The following DUSP22 variants were observed in gnomAD, a reference collection of about 807,000 sequenced individuals.
The protein encoded by DUSP22 is dual specificity protein phosphatase 22.
DUSP22 carries 24 observed loss-of-function variants against 24.5 expected under a neutral mutation model. That is an observed-to-expected ratio of 0.98 (90% CI 0.71 to 1.38). The LOEUF (loss-of-function observed/expected upper bound fraction) is 1.38, where lower values mean the gene tolerates loss of function less well. Among genes scored for constraint, DUSP22 ranks in the 40% most tolerant of loss-of-function variants. The pLI, the probability that DUSP22 is intolerant of heterozygous loss-of-function variation, is 0.00. For synonymous variants in DUSP22, 160 were observed against 106.4 expected (o/e 1.50, Z -3.10); for missense variants, 330 against 269.2 (o/e 1.23, Z -1.58).
At chr6:301,342 C>G (rs1395366312) in intron 1 of DUSP22, among the ~76,000 whole-genome samples, 1 of 152,288 alleles carries the variant, frequency 6.6e-6, no homozygotes, top group African/African-American at 2.4e-5. Flanking sequence ...AAGATGGGAC[C>G]AGTAAGGGGT....
intron 4 of DUSP22, among the ~76,000 whole-genome samples, chr6:338,546 C>T (rs1018812244): frequency 6.6e-5 from 10 of 152,302 alleles, no homozygotes; most frequent in South Asian, 2.1e-4. Flanking sequence ...GACAAATATT[C>T]GTATTTCTCT....
At chr6:332,576 C>T (rs1194061853) in intron 3 of DUSP22, among the ~76,000 whole-genome samples, 2 of 152,302 alleles carry the variant, frequency 1.3e-5, no homozygotes, top group East Asian at 1.9e-4. Flanking sequence ...TGTCCAGTCC[C>T]ACGGCTGGTA....
chr6:312,403 G>A (rs1258391414), intron 3 of DUSP22, among the ~76,000 whole-genome samples: 1 of 152,274 alleles, frequency 6.6e-6, no homozygotes, highest in Non-Finnish European at 1.5e-5. Flanking sequence ...GAATCGTCCT[G>A]GAGGGTTCCC....
rs187859769 is a variant in DUSP22, at chr6:351,090, C to A, written c.*2139C>A. ...CCCCACTGCTGTGGAGGTTTCTGTACCTCGCTTGGATGCCTGTAAGGATCC... is the reference window on the plus strand; with the variant it reads ...CCCCACTGCTGTGGAGGTTTCTGTAACTCGCTTGGATGCCTGTAAGGATCC... On this transcript the variant is annotated 3_prime_UTR_variant, in exon 7 of 7. Transcript: ENST00000419235. 3.6e-4 allele frequency: 258 copies of A among 716,716 alleles called. No homozygotes were observed. The highest frequency in any genetic ancestry group is 1.5e-3 in the Admixed American group (50 of 32,848). The allele number at this position is 716,716 out of a possible 1,614,324, so 44.4% of individuals were successfully genotyped here.
intron 3 of DUSP22, among the ~76,000 whole-genome samples, chr6:330,020 A>C (rs1759070709): frequency 6.6e-6 from 1 of 152,270 alleles, no homozygotes; most frequent in South Asian, 2.1e-4. Flanking sequence ...GTGGAGGGTC[A>C]GTGTGAATAC....
At chr6:330,682 A>G (rs1020118287) in intron 3 of DUSP22, among the ~76,000 whole-genome samples, 4 of 152,304 alleles carry the variant, frequency 2.6e-5, no homozygotes, top group Non-Finnish European at 1.5e-5. Flanking sequence ...TTTTGAGAAG[A>G]TGGACTCAGG....
At chr6:318,502 C>T (rs926539591) in intron 3 of DUSP22, among the ~76,000 whole-genome samples, 3 of 152,308 alleles carry the variant, frequency 2.0e-5, no homozygotes, top group Non-Finnish European at 4.4e-5. Context: ...TACCTTTTCC[C>T]TAGGTGACCA....
At chr6:340,541 G>A (rs1055679789) in intron 4 of DUSP22, among the ~76,000 whole-genome samples, 4 of 152,292 alleles carry the variant, frequency 2.6e-5, no homozygotes, top group Non-Finnish European at 5.9e-5. Flanking sequence ...TTTTTTCTAA[G>A]CAAAAACATA....
At chr6:328,572 G>C (rs1758994336) in intron 3 of DUSP22, among the ~76,000 whole-genome samples, 1 of 152,302 alleles carries the variant, frequency 6.6e-6, no homozygotes, top group Non-Finnish European at 1.5e-5. Flanking sequence ...TCTCCACTCT[G>C]ACCTCCTGCT....
At chr6:293,159 C>G (rs1334937412) in intron 1 of DUSP22, among the ~76,000 whole-genome samples, 1 of 152,292 alleles carries the variant, frequency 6.6e-6, no homozygotes, top group African/African-American at 2.4e-5. Context: ...CTGTTGCTGG[C>G]TGCTTGCGCT....
chr6:312,339 A>T lies in DUSP22; in HGVS notation c.138+377A>T, dbSNP rs530697232. ...CCTGCTCATTTCCTGATTTTGTCCC[A>T]TTTAAACTCAAATAGCTACCACTGG... On this transcript the variant is annotated intron_variant, in intron 3 of 6. Coordinates refer to ENST00000419235, the MANE Select transcript of DUSP22 (RefSeq NM_001286555.3). Among the ~76,000 whole-genome samples, 184 of 152,348 alleles carry T rather than the reference A, an allele frequency of 1.2e-3. No individual in the cohort carries two copies. In the South Asian group the frequency reaches 0.038, roughly 31 times the overall value.
At chr6:318,025 T>G (rs951651895) in intron 3 of DUSP22, among the ~76,000 whole-genome samples, 1 of 152,306 alleles carries the variant, frequency 6.6e-6, no homozygotes, top group Non-Finnish European at 1.5e-5. Context: ...GCAGCCTCGC[T>G]TATATGGGCA....
chr6:298,084 G>T (rs1263782833), intron 1 of DUSP22, among the ~76,000 whole-genome samples: 3 of 152,296 alleles, frequency 2.0e-5, no homozygotes, highest in Non-Finnish European at 4.4e-5. Flanking sequence ...CCACATGCCG[G>T]TGGGCTCTGG....
intron 3 of DUSP22, among the ~76,000 whole-genome samples, chr6:317,897 C>T (rs1758405798): frequency 6.6e-6 from 1 of 152,300 alleles, no homozygotes; most frequent in Admixed American, 6.5e-5. Flanking sequence ...AGTGAGAAAT[C>T]ATGTCTCATC....
chr6:295,143 C>G (rs1367693986), intron 1 of DUSP22, among the ~76,000 whole-genome samples: 3 of 152,292 alleles, frequency 2.0e-5, no homozygotes, highest in Non-Finnish European at 4.4e-5. Context: ...AAATCCTTTT[C>G]TAAGAACATT....
At position 350,637 on chromosome 6, in the gene DUSP22, T is replaced by TA; in HGVS notation, c.*1690dup. 1.3e-6 allele frequency: 2 copies of TA among 1,481,550 alleles called. No individual in the cohort carries two copies. The highest frequency in any genetic ancestry group is 1.8e-6 in the Non-Finnish European group (2 of 1,117,338). 91.8% of individuals were successfully genotyped at this position (1,481,550 alleles called of 1,614,324 possible). On this transcript the variant is annotated 3_prime_UTR_variant, in exon 7 of 7. Coordinates refer to ENST00000419235, the MANE Select transcript of DUSP22 (RefSeq NM_001286555.3). Reference sequence around the variant, plus strand: ...GTAGAATCATCCATCCGTCTACAGCTAAAACAATTTGCCAATAAAGTACAT... The same window carrying TA: ...GTAGAATCATCCATCCGTCTACAGCTAAAAACAATTTGCCAATAAAGTACAT...
chr6:348,812 A>T lies in DUSP22; in HGVS notation c.479A>T (p.Gln160Leu). 1.2e-6 allele frequency: 2 copies of T among 1,614,308 alleles called. No individual in the cohort carries two copies. Among genetic ancestry groups the T allele is most frequent in the Non-Finnish European group, 1.7e-6 (2 of 1,180,054 alleles). ...LKEEYGESPL[Q>L]DAEEAKNILG... Reference sequence around the variant, plus strand: ...GAAGAATATGGAGAGAGCCCTTTGCAGGATGCAGAAGAAGCCAAAAACATT... The same window carrying T: ...GAAGAATATGGAGAGAGCCCTTTGCTGGATGCAGAAGAAGCCAAAAACATT... The change falls in exon 7 of 7, where the codon CAG (glutamine) becomes CTG (leucine). Residue 160 changes from glutamine to leucine, a missense_variant. Gln to Leu is a moderately radical substitution (Grantham distance 113). Transcript: ENST00000419235.
chr6:329,734 G>A (rs1009050035), intron 3 of DUSP22, among the ~76,000 whole-genome samples: 1 of 152,306 alleles, frequency 6.6e-6, no homozygotes. Context: ...TTGCAGGCAT[G>A]AGCCACCATG....
Position 348,833 on chromosome 6 carries a change from A to C in DUSP22, c.500A>C (p.Asn167Thr), listed in dbSNP as rs1416155635. 2 of 1,614,320 alleles carry C rather than the reference A, an allele frequency of 1.2e-6. No homozygotes were observed. Among genetic ancestry groups the C allele is most frequent in the East Asian group, 2.2e-5 (1 of 44,896 alleles). Reference sequence around the variant, plus strand: ...TTGCAGGATGCAGAAGAAGCCAAAAACATTCTGGGTAAATATAAGGAGCAA... The same window carrying C: ...TTGCAGGATGCAGAAGAAGCCAAAACCATTCTGGGTAAATATAAGGAGCAA... Reference protein sequence around the residue: ...SPLQDAEEAKNILGKYKEQGR... With the variant: ...SPLQDAEEAKTILGKYKEQGR... Residue 167 changes from asparagine (N) to threonine (T), a missense_variant, in exon 7 of 7, where the codon AAC becomes ACC. By Grantham distance (65) the Asn-to-Thr change is moderately conservative (BLOSUM62 0). Coordinates refer to ENST00000419235, the MANE Select transcript of DUSP22 (RefSeq NM_001286555.3).
Sources: gnomAD v4.1 joint callset for allele counts (sites outside exome capture counted in the v4.1 genomes callset) on GRCh38, gnomAD v4.1.1 for gene constraint, MANE v1.5 for transcripts, NCBI Gene and HGNC (gene_info 2026-07-23, HGNC 2026-07-21) for gene names.